Variants in YAP1 observed in about 807,000 individuals in gnomAD.
YAP1 encodes the protein Yes1 associated transcriptional regulator, also known as transcriptional coactivator YAP1.
YAP1 carries 5 observed loss-of-function variants against 56.9 expected under a neutral mutation model. The observed-to-expected ratio is 0.09, with a 90% confidence interval of 0.05 to 0.18. The LOEUF (loss-of-function observed/expected upper bound fraction) is 0.18, where lower values mean the gene tolerates loss of function less well. Ranked by LOEUF, YAP1 falls within the 10% of genes least tolerant of loss-of-function variation. The pLI is 1.00. For synonymous variants in YAP1, 265 were observed against 248.1 expected (o/e 1.07, Z -0.64); for missense variants, 539 against 651.8 (o/e 0.83, Z 1.88).
At position 102,110,749 on chromosome 11, in the gene YAP1, G is replaced by T. The variant is rs574182270; in HGVS notation, c.-100G>T. The T allele has an allele frequency of 1.8e-6, 2 of 1,113,294 alleles. No homozygotes were observed. The highest frequency in any genetic ancestry group is 2.3e-6 in the Non-Finnish European group (2 of 887,170). 69.0% of individuals were successfully genotyped at this position (1,113,294 alleles called of 1,614,324 possible). A position where few individuals can be genotyped will look rare whatever the true frequency, so the allele number is the denominator to read the frequency against. On this transcript the variant is annotated 5_prime_UTR_variant, in exon 1 of 9. Transcript: ENST00000282441. ...CGAGGACAGCGCCGCCCGGCCCGCA[G>T]CCGTCGCCGCTTCTCCACCTCGGCC...
chr11:102,140,268 A>G (rs764326714), intron 2 of YAP1, among the ~76,000 whole-genome samples: 1 of 152,170 alleles, frequency 6.6e-6, no homozygotes, highest in Admixed American at 6.5e-5. Flanking sequence ...GCTACTAGAA[A>G]ATTAGTTTTT....
At chr11:102,119,139 G>A (rs964981058) in intron 2 of YAP1, among the ~76,000 whole-genome samples, 1 of 151,828 alleles carries the variant, frequency 6.6e-6, no homozygotes, top group Non-Finnish European at 1.5e-5. Flanking sequence ...TAGCTCTGGG[G>A]GGTGGGGGAG....
chr11:102,129,618 C>CAAA (rs139054273), intron 2 of YAP1, among the ~76,000 whole-genome samples: 9 of 100,192 alleles, frequency 9.0e-5, no homozygotes, highest in African/African-American at 3.4e-4. Context: ...ACTCTGTCTC[C>CAAA]AAAAAAAAAA....
chr11:102,228,309 A>G (rs1485770989), intron 8 of YAP1, among the ~76,000 whole-genome samples: 1 of 151,780 alleles, frequency 6.6e-6, no homozygotes, highest in East Asian at 1.9e-4. Context: ...GGTGGGAAAG[A>G]CTAGGAGGTG....
chr11:102,138,208 G>A (rs1944797010), intron 2 of YAP1, among the ~76,000 whole-genome samples: 1 of 152,206 alleles, frequency 6.6e-6, no homozygotes, highest in Non-Finnish European at 1.5e-5. Flanking sequence ...GTTCTTTGGT[G>A]CATTGGTTAT....
At chr11:102,144,640 C>T (rs1945211862) in intron 2 of YAP1, among the ~76,000 whole-genome samples, 1 of 152,142 alleles carries the variant, frequency 6.6e-6, no homozygotes, top group Admixed American at 6.5e-5. Context: ...CACATGAAAT[C>T]ACTTGATATG....
chr11:102,113,758 T>C (rs1420303181), intron 1 of YAP1, among the ~76,000 whole-genome samples: 2 of 152,172 alleles, frequency 1.3e-5, no homozygotes, highest in Non-Finnish European at 2.9e-5. Context: ...GTGTTGTGTT[T>C]ATACTTAGAA....
At chr11:102,202,463 G>A (rs1162071834) in intron 4 of YAP1, among the ~76,000 whole-genome samples, 4 of 151,530 alleles carry the variant, frequency 2.6e-5, no homozygotes, top group Non-Finnish European at 5.9e-5. Context: ...ACAGGCGTGA[G>A]CCACTGCACC....
chr11:102,153,251 A>G (rs927854072), intron 2 of YAP1, among the ~76,000 whole-genome samples: 1 of 152,126 alleles, frequency 6.6e-6, no homozygotes, highest in African/African-American at 2.4e-5. Flanking sequence ...GCAGTTACAT[A>G]TGTCAGTTTT....
chr11:102,210,042 A>T (rs1949317824), intron 6 of YAP1, among the ~76,000 whole-genome samples: 1 of 152,142 alleles, frequency 6.6e-6, no homozygotes, highest in Non-Finnish European at 1.5e-5. Context: ...AAAATATCAA[A>T]ATTATCAGGA....
intron 4 of YAP1, among the ~76,000 whole-genome samples, chr11:102,188,362 G>A (rs1408138542): frequency 6.6e-6 from 1 of 152,156 alleles, no homozygotes; most frequent in Non-Finnish European, 1.5e-5. Context: ...AGCCCCTAGA[G>A]AAGCTTAATT....
intron 4 of YAP1, chr11:102,186,758 T>C (rs186383688): frequency 6.5e-6 from 1 of 152,790 alleles, no homozygotes; most frequent in East Asian, 1.9e-4. Flanking sequence ...CCCCTCCCCT[T>C]CCAAATGTGT....
rs369447979 is a variant in YAP1, at chr11:102,162,598, C to A, written c.688+27C>A. 7.5e-6 allele frequency: 12 copies of A among 1,592,534 alleles called. No homozygotes were observed. The African/African-American group carries it at 1.5e-4, about 20-fold the overall frequency. The stretch of plus-strand genomic sequence containing the variant: ...TGAGTGAGACACTGTAATTACAGCA[C>A]ATGGAGTAATGCTTACGCATTGGTA... On this transcript the variant is annotated intron_variant, in intron 3 of 8. Coordinates refer to ENST00000282441, the MANE Select transcript of YAP1 (RefSeq NM_001130145.3).
At chr11:102,167,696 T>G (rs1238083874) in intron 3 of YAP1, among the ~76,000 whole-genome samples, 1 of 152,130 alleles carries the variant, frequency 6.6e-6, no homozygotes, top group Non-Finnish European at 1.5e-5. Flanking sequence ...ATTGTGCCAC[T>G]GCACTCCAGC....
chr11:102,219,232 C>T (rs913844290), intron 6 of YAP1, among the ~76,000 whole-genome samples: 4 of 152,122 alleles, frequency 2.6e-5, no homozygotes, highest in African/African-American at 4.8e-5. Context: ...TTAAATACAT[C>T]CTCATATTTT....
At chr11:102,138,695 T>G (rs756798910) in intron 2 of YAP1, among the ~76,000 whole-genome samples, 5 of 152,260 alleles carry the variant, frequency 3.3e-5, no homozygotes, top group Admixed American at 6.5e-5. Context: ...AAAGTGTTCA[T>G]TGTTATTACT....
At chr11:102,162,685 T>G (rs1946362373) in intron 3 of YAP1, 114 bp downstream of exon 3, 1 of 992,566 alleles carries the variant, frequency 1.0e-6, no homozygotes, top group Non-Finnish European at 1.6e-6. Flanking sequence ...TGATGTTTAT[T>G]GTCTCTCCAG....
intron 3 of YAP1, among the ~76,000 whole-genome samples, chr11:102,176,887 G>A (rs1314540323): frequency 6.6e-6 from 1 of 151,826 alleles, no homozygotes; most frequent in Non-Finnish European, 1.5e-5. Flanking sequence ...TCTGGGTACT[G>A]GAAAGACAGG....
intron 2 of YAP1, among the ~76,000 whole-genome samples, chr11:102,154,016 T>G (rs946675038): frequency 6.6e-6 from 1 of 152,166 alleles, no homozygotes; most frequent in Non-Finnish European, 1.5e-5. Flanking sequence ...TTTTATTAAT[T>G]TCTTTTTAAT....
Sources: gnomAD v4.1 joint callset for allele counts (sites outside exome capture counted in the v4.1 genomes callset) on GRCh38, gnomAD v4.1.1 for gene constraint, MANE v1.5 for transcripts, NCBI Gene and HGNC (gene_info 2026-07-23, HGNC 2026-07-21) for gene names.